EPHA5: variants seen among roughly 807,000 people sequenced by gnomAD.
EPHA5 encodes the protein EPH receptor A5.
A neutral mutation model predicts 105.0 loss-of-function variants in EPHA5; 60 were observed. That is an observed-to-expected ratio of 0.57 (90% CI 0.46 to 0.71). EPHA5 has a LOEUF of 0.71. Ranked by LOEUF, EPHA5 falls within the 30% of genes least tolerant of loss-of-function variation. The pLI is 0.00. For synonymous variants in EPHA5, 513 were observed against 449.1 expected, an observed-to-expected ratio of 1.14 and a Z score of -1.80; for missense variants, 1,218 against 1,274.7, an observed-to-expected ratio of 0.96 and a Z score of 0.68.
At chr4:65,421,423 T>C (rs1311658382) in intron 5 of EPHA5, among the ~76,000 whole-genome samples, 1 of 152,128 alleles carries the variant, frequency 6.6e-6, no homozygotes, top group East Asian at 1.9e-4. Flanking sequence ...ATTACTGAAA[T>C]AGAAACAACA....
chr4:65,593,044 T>C (rs1387072152), intron 3 of EPHA5, among the ~76,000 whole-genome samples: 1 of 152,176 alleles, frequency 6.6e-6, no homozygotes. Flanking sequence ...AGAACATGGA[T>C]GCACCTCTAC....
At chr4:65,327,495 T>C (rs1326378577) in intron 16 of EPHA5, among the ~76,000 whole-genome samples, 1 of 151,242 alleles carries the variant, frequency 6.6e-6, no homozygotes, top group Non-Finnish European at 1.5e-5. Flanking sequence ...CTGCCACAAA[T>C]GATGTTTTCT....
intron 8 of EPHA5, among the ~76,000 whole-genome samples, chr4:65,392,784 T>A (rs894115901): frequency 4.6e-5 from 7 of 152,168 alleles, no homozygotes; most frequent in African/African-American, 7.2e-5. Context: ...AATGTCAACA[T>A]TAATGGGAAA....
intron 2 of EPHA5, among the ~76,000 whole-genome samples, chr4:65,605,752 G>A (rs1327621993): frequency 1.3e-5 from 2 of 151,988 alleles, no homozygotes; most frequent in African/African-American, 4.8e-5. Flanking sequence ...TTGTATAGAA[G>A]AAAAGTACAA....
intron 3 of EPHA5, among the ~76,000 whole-genome samples, chr4:65,568,961 A>T (rs890543120): frequency 2.0e-5 from 3 of 151,156 alleles, no homozygotes; most frequent in Admixed American, 2.0e-4. Context: ...TTTTAAACAT[A>T]ATTTAGCTTA....
intron 5 of EPHA5, 120 bp downstream of exon 5, chr4:65,490,257 C>G: frequency 2.2e-6 from 2 of 923,928 alleles, no homozygotes; most frequent in Non-Finnish European, 3.2e-6. Flanking sequence ...TACTTTAAGT[C>G]CTGACCTTCC....
At chr4:65,420,915 C>T (rs11131594) in intron 5 of EPHA5, among the ~76,000 whole-genome samples, 15,440 of 151,804 alleles carry the variant, frequency 0.1, 931 homozygotes, top group East Asian at 0.14. Flanking sequence ...TATGACATAT[C>T]CCATTATGCT....
chr4:65,581,483 A>G (rs1741620041), intron 3 of EPHA5, among the ~76,000 whole-genome samples: 1 of 151,726 alleles, frequency 6.6e-6, no homozygotes, highest in Non-Finnish European at 1.5e-5. Context: ...ATTTACCCAA[A>G]TTGGTCTATT....
At chr4:65,576,940 G>C (rs183647610) in intron 3 of EPHA5, among the ~76,000 whole-genome samples, 1 of 152,126 alleles carries the variant, frequency 6.6e-6, no homozygotes, top group East Asian at 1.9e-4. Flanking sequence ...CAGTTTGAGT[G>C]ACATTTTCTC....
chr4:65,333,418 C>G (rs1370619852), intron 15 of EPHA5, among the ~76,000 whole-genome samples: 3 of 151,480 alleles, frequency 2.0e-5, no homozygotes, highest in Non-Finnish European at 4.4e-5. Flanking sequence ...TACAAAATGA[C>G]TGACCTCTTG....
chr4:65,654,250 A>C (rs531840108), intron 1 of EPHA5, among the ~76,000 whole-genome samples: 37 of 151,948 alleles, frequency 2.4e-4, no homozygotes, highest in African/African-American at 6.5e-4. Flanking sequence ...TGAAAAAAAA[A>C]AAAACAAAAC....
chr4:65,604,388 C>T (rs1466186797), intron 2 of EPHA5, among the ~76,000 whole-genome samples: 4 of 152,142 alleles, frequency 2.6e-5, no homozygotes, highest in East Asian at 1.9e-4. Flanking sequence ...AAGATGGAAA[C>T]TATAATTTTC....
chr4:65,564,557 C>T (rs1459113153), intron 3 of EPHA5, among the ~76,000 whole-genome samples: 3 of 151,522 alleles, frequency 2.0e-5, no homozygotes, highest in South Asian at 2.1e-4. Flanking sequence ...GCGTGTTAAC[C>T]GAGCTCAGTC....
At chr4:65,412,861 A>G (rs1723040749) in intron 7 of EPHA5, among the ~76,000 whole-genome samples, 1 of 152,176 alleles carries the variant, frequency 6.6e-6, no homozygotes, top group South Asian at 2.1e-4. Flanking sequence ...TGAATGTGCC[A>G]ACATCCTAAA....
At chr4:65,589,223 A>C (rs1465237167) in intron 3 of EPHA5, among the ~76,000 whole-genome samples, 2 of 150,086 alleles carry the variant, frequency 1.3e-5, no homozygotes, top group Non-Finnish European at 3.0e-5. Flanking sequence ...TTTGAGTGTT[A>C]TTTGGTTAAA....
At chr4:65,535,018 T>C (rs1022269729) in intron 3 of EPHA5, among the ~76,000 whole-genome samples, 1 of 152,194 alleles carries the variant, frequency 6.6e-6, no homozygotes, top group Non-Finnish European at 1.5e-5. Flanking sequence ...ATTTACTCAC[T>C]CATGATTATT....
intron 2 of EPHA5, among the ~76,000 whole-genome samples, chr4:65,617,270 A>G (rs1038337809): frequency 6.6e-6 from 1 of 152,068 alleles, no homozygotes; most frequent in African/African-American, 2.4e-5. Flanking sequence ...GTCAGTGTAC[A>G]CATTTGTATC....
intron 7 of EPHA5, among the ~76,000 whole-genome samples, chr4:65,408,143 A>T (rs1169842355): frequency 6.6e-6 from 1 of 152,154 alleles, no homozygotes; most frequent in African/African-American, 2.4e-5. Context: ...GGCATTAATG[A>T]TATCATTAAT....
intron 5 of EPHA5, among the ~76,000 whole-genome samples, chr4:65,483,420 C>T (rs1038491235): frequency 2.6e-5 from 4 of 152,040 alleles, no homozygotes; most frequent in Middle Eastern, 3.4e-3. Flanking sequence ...GTTTTAGATC[C>T]CTGAGGAATC....
Sources: allele counts gnomAD v4.1 joint callset (sites outside exome capture counted in the v4.1 genomes callset), GRCh38; gene constraint gnomAD v4.1.1; transcripts MANE v1.5; gene names NCBI Gene and HGNC (gene_info 2026-07-23, HGNC 2026-07-21).